TANC2: variants seen among roughly 807,000 people sequenced by gnomAD.
TANC2 encodes the protein protein TANC2.
TANC2 carries 26 observed loss-of-function variants against 210.5 expected under a neutral mutation model. The ratio of observed to expected loss-of-function variants is 0.12; its 90% confidence interval spans 0.09 to 0.17. The LOEUF is 0.17. Among genes scored for constraint, TANC2 ranks in the 10% least tolerant of loss-of-function variants. The probability of loss-of-function intolerance (pLI) is 1.00; values close to 1 mark genes in which losing one functional copy is unlikely to be tolerated. For missense variants in TANC2, 2,129 were observed against 2,608.9 expected (o/e 0.82, Z 4.01); for synonymous variants, 931 against 967.1 (o/e 0.96, Z 0.69).
chr17:63,262,220 ACT>A (rs1465176433), intron 8 of TANC2, among the ~76,000 whole-genome samples: 1 of 152,230 alleles, frequency 6.6e-6, no homozygotes, highest in African/African-American at 2.4e-5. Context: ...CAAGAGTCTC[ACT>A]CTGTCGCCCA....
intron 9 of TANC2, among the ~76,000 whole-genome samples, chr17:63,278,324 G>A (rs2043953027): frequency 6.6e-6 from 1 of 152,036 alleles, no homozygotes; most frequent in Non-Finnish European, 1.5e-5. Flanking sequence ...GACTTACATA[G>A]ACATTTCTTC....
At chr17:62,976,354 C>A (rs915024984) in intron 1 of TANC2, among the ~76,000 whole-genome samples, 1 of 152,018 alleles carries the variant, frequency 6.6e-6, no homozygotes, top group Non-Finnish European at 1.5e-5. Context: ...ACACCCCTAC[C>A]CCCAGCCAGT....
At chr17:63,314,253 G>A in intron 9 of TANC2, 135 bp from the exon 10 acceptor site, 2 of 900,778 alleles carry the variant, frequency 2.2e-6, no homozygotes, top group Non-Finnish European at 3.3e-6. Context: ...ATTCGCAGTT[G>A]CATTATTTCT....
chr17:62,978,066 TACC>T (rs552668136), intron 1 of TANC2, among the ~76,000 whole-genome samples: 67 of 152,326 alleles, frequency 4.4e-4, no homozygotes, highest in South Asian at 2.9e-3. Context: ...TAGTACACTG[TACC>T]ATAATTTATT....
intron 6 of TANC2, among the ~76,000 whole-genome samples, chr17:63,194,361 CA>C (rs1239638840): frequency 1.6e-4 from 25 of 152,176 alleles, no homozygotes; most frequent in African/African-American, 6.0e-4. Flanking sequence ...AATGAACGAG[CA>C]AGCCAACAAA....
At chr17:63,103,199 A>G (rs2037695771) in intron 4 of TANC2, among the ~76,000 whole-genome samples, 1 of 152,196 alleles carries the variant, frequency 6.6e-6, no homozygotes, top group Non-Finnish European at 1.5e-5. Flanking sequence ...AGATATGACA[A>G]AGGAGTATCC....
chr17:63,161,997 A>G (rs2040043143), intron 5 of TANC2, among the ~76,000 whole-genome samples: 1 of 152,150 alleles, frequency 6.6e-6, no homozygotes, highest in Admixed American at 6.5e-5. Context: ...CTTTGGTAGA[A>G]TCTTGATGGC....
intron 12 of TANC2, among the ~76,000 whole-genome samples, chr17:63,350,605 T>C (rs751949114): frequency 1.7e-4 from 26 of 152,290 alleles, no homozygotes; most frequent in Middle Eastern, 6.8e-3. Context: ...CCTCCACTTT[T>C]GGGAAGATCA....
chr17:63,070,038 A>G (rs1222610973), intron 2 of TANC2, among the ~76,000 whole-genome samples: 2 of 152,228 alleles, frequency 1.3e-5, no homozygotes, highest in Non-Finnish European at 2.9e-5. Context: ...TTGTTTACAG[A>G]AATTTTTATA....
At chr17:63,203,188 G>T (rs996873165) in intron 7 of TANC2, among the ~76,000 whole-genome samples, 2 of 151,924 alleles carry the variant, frequency 1.3e-5, no homozygotes, top group African/African-American at 4.8e-5. Context: ...CCCTTTTCTC[G>T]TTCTTTGTTG....
At position 63,098,515 on chromosome 17, in the gene TANC2, G is replaced by GTGTGTATA. The variant is rs1555571195; in HGVS notation, c.140-659_140-658insGTGTATAT. Among the ~76,000 whole-genome samples, 681 of 126,728 alleles carry GTGTGTATA rather than the reference G, an allele frequency of 5.4e-3. 23 individuals carry two copies. The highest frequency in any genetic ancestry group is 0.018 in the African/African-American group (644 of 34,900). 83.1% of individuals were successfully genotyped at this position (126,728 alleles called of 152,430 possible). ...TCTCTCTCTCTCTCTCTCTCTGTGTGTATATATATATATATATATGTAAAA... is the reference window on the plus strand; with the variant it reads ...TCTCTCTCTCTCTCTCTCTCTGTGTGTGTGTATATATATATATATATATATATGTAAAA... On this transcript the variant is annotated intron_variant, in intron 3 of 27. Transcript: ENST00000689528.
At chr17:63,280,640 A>G (rs2044031680) in intron 9 of TANC2, among the ~76,000 whole-genome samples, 2 of 152,088 alleles carry the variant, frequency 1.3e-5, no homozygotes, top group South Asian at 4.1e-4. Flanking sequence ...CTTTCCACTA[A>G]AAATGACTTG....
intron 5 of TANC2, among the ~76,000 whole-genome samples, chr17:63,159,400 G>A (rs781588037): frequency 6.6e-5 from 10 of 152,130 alleles, no homozygotes; most frequent in East Asian, 1.9e-4. Context: ...AAAGTTATCC[G>A]TATTATATAA....
chr17:62,967,920 A>G (rs765791363), intron 1 of TANC2, among the ~76,000 whole-genome samples: 4 of 152,168 alleles, frequency 2.6e-5, no homozygotes, highest in Non-Finnish European at 5.9e-5. Context: ...TTTCCCAGGT[A>G]GATCCTCTTA....
intron 9 of TANC2, among the ~76,000 whole-genome samples, chr17:63,272,366 A>G (rs2043738272): frequency 1.3e-5 from 2 of 152,140 alleles, no homozygotes; most frequent in South Asian, 4.1e-4. Flanking sequence ...GTCCTGTAGT[A>G]TAGTTTGAAA....
chr17:63,261,052 C>A (rs2043340569), intron 8 of TANC2, among the ~76,000 whole-genome samples: 1 of 152,006 alleles, frequency 6.6e-6, no homozygotes, highest in African/African-American at 2.4e-5. Context: ...GGCAATGTGG[C>A]AAGGCCCTAT....
At chr17:63,218,176 C>A (rs188908099) in intron 7 of TANC2, among the ~76,000 whole-genome samples, 1 of 151,646 alleles carries the variant, frequency 6.6e-6, no homozygotes, top group Non-Finnish European at 1.5e-5. Context: ...TCTTAGTTAC[C>A]CAGGAGGCTT....
exon 8 of TANC2, chr17:63,238,030 T>G: frequency 6.4e-7 from 1 of 1,555,690 alleles, no homozygotes; most frequent in Non-Finnish European, 8.7e-7. Context: ...TCTCAATCAG[T>G]ACAGTCTATT....
intron 2 of TANC2, among the ~76,000 whole-genome samples, chr17:63,010,517 G>T (rs530844856): frequency 2.0e-5 from 3 of 149,510 alleles, no homozygotes; most frequent in Non-Finnish European, 4.4e-5. Flanking sequence ...GACACCAACT[G>T]TATGTCCTAC....
Sources: allele counts gnomAD v4.1 joint callset (sites outside exome capture counted in the v4.1 genomes callset), GRCh38; gene constraint gnomAD v4.1.1; transcripts MANE v1.5; gene names NCBI Gene and HGNC (gene_info 2026-07-23, HGNC 2026-07-21).